The following KAZN variants were observed in gnomAD, a reference collection of about 807,000 sequenced individuals.
The protein encoded by KAZN is kazrin.
A neutral mutation model predicts 87.4 loss-of-function variants in KAZN; 40 were observed. The ratio of observed to expected loss-of-function variants is 0.46; its 90% confidence interval spans 0.36 to 0.60. The LOEUF (loss-of-function observed/expected upper bound fraction) is 0.60, where lower values mean the gene tolerates loss of function less well. Among genes scored for constraint, KAZN ranks in the 20% least tolerant of loss-of-function variants. The probability of loss-of-function intolerance (pLI) is 0.00; values close to 1 mark genes in which losing one functional copy is unlikely to be tolerated. For synonymous variants in KAZN, 466 were observed against 458.3 expected, an observed-to-expected ratio of 1.02 and a Z score of -0.22; for missense variants, 898 against 1,073.9, an observed-to-expected ratio of 0.84 and a Z score of 2.29.
At chr1:14,969,959 G>A (rs1343047522) in intron 2 of KAZN, among the ~76,000 whole-genome samples, 1 of 151,924 alleles carries the variant, frequency 6.6e-6, no homozygotes, top group Non-Finnish European at 1.5e-5. Context: ...GATTACAGGC[G>A]CCCGCCACCA....
intron 1 of KAZN, among the ~76,000 whole-genome samples, chr1:14,727,975 G>A (rs28856876): frequency 0.31 from 46,243 of 151,500 alleles, 7,175 homozygotes; most frequent in South Asian, 0.37. Flanking sequence ...TTCGCAATAG[G>A]GTTTGCGCTC....
At chr1:14,190,052 A>G (rs1238037836) in intron 2 of KAZN, among the ~76,000 whole-genome samples, 2 of 152,062 alleles carry the variant, frequency 1.3e-5, no homozygotes, top group Non-Finnish European at 2.9e-5. Context: ...TCTACATCCA[A>G]CTTGGGCAGG....
At chr1:14,452,743 G>A (rs904260342) in intron 2 of KAZN, among the ~76,000 whole-genome samples, 11 of 152,146 alleles carry the variant, frequency 7.2e-5, no homozygotes, top group Non-Finnish European at 1.2e-4. Flanking sequence ...GCCCTTGACC[G>A]CATTTTATGA....
chr1:14,824,267 A>G (rs1469355020), intron 1 of KAZN, among the ~76,000 whole-genome samples: 1 of 147,694 alleles, frequency 6.8e-6, no homozygotes, highest in East Asian at 1.9e-4. Context: ...GGACAGCACG[A>G]AAGAAAGAGA....
intron 1 of KAZN, among the ~76,000 whole-genome samples, chr1:14,804,883 G>A (rs573983678): frequency 5.3e-5 from 8 of 152,328 alleles, no homozygotes; most frequent in Non-Finnish European, 7.4e-5. Context: ...ACAGCTAGGC[G>A]TAATTGGCAC....
intron 2 of KAZN, among the ~76,000 whole-genome samples, chr1:14,213,959 G>A (rs190632429): frequency 1.8e-4 from 27 of 152,312 alleles, no homozygotes; most frequent in African/African-American, 6.3e-4. Flanking sequence ...GATGATGGAG[G>A]TGGCCACTTA....
intron 1 of KAZN, among the ~76,000 whole-genome samples, chr1:13,930,500 C>T (rs552898748): frequency 1.8e-4 from 28 of 152,294 alleles, no homozygotes; most frequent in African/African-American, 6.7e-4. Flanking sequence ...GCCATTTTCC[C>T]CCTTTTTCCC....
intron 1 of KAZN, among the ~76,000 whole-genome samples, chr1:14,744,756 T>C (rs550553953): frequency 1.3e-5 from 2 of 152,188 alleles, no homozygotes; most frequent in South Asian, 4.2e-4. Flanking sequence ...TTTAAAAAAG[T>C]GTAACATGCA....
chr1:14,257,999 G>A (rs944892689), intron 2 of KAZN, among the ~76,000 whole-genome samples: 12 of 147,368 alleles, frequency 8.1e-5, no homozygotes, highest in African/African-American at 3.0e-4. Flanking sequence ...AAAAGAAGGG[G>A]GAAGGGTAAG....
At chr1:14,984,375 CA>C (rs879713609) in intron 2 of KAZN, among the ~76,000 whole-genome samples, 5 of 149,928 alleles carry the variant, frequency 3.3e-5, no homozygotes, top group Non-Finnish European at 7.4e-5. Flanking sequence ...GACTCTGTCT[CA>C]AAAAAAAGAA....
At chr1:14,771,320 C>T (rs1483714911) in intron 1 of KAZN, among the ~76,000 whole-genome samples, 2 of 152,092 alleles carry the variant, frequency 1.3e-5, no homozygotes, top group Non-Finnish European at 2.9e-5. Flanking sequence ...GGCAGCATCT[C>T]TGGGTTGCAG....
At chr1:14,926,528 A>AC (rs1334352647) in intron 1 of KAZN, among the ~76,000 whole-genome samples, 1 of 152,196 alleles carries the variant, frequency 6.6e-6, no homozygotes, top group African/African-American at 2.4e-5. Flanking sequence ...CAGCAGCTAA[A>AC]CCAGAAAGTT....
rs368049334 is a variant in KAZN at position 14,662,964 on chromosome 1, C to CACATATATATAT, written c.226+63742_226+63743insCATATATATATA. The stretch of plus-strand genomic sequence containing the variant: ...ATGTAAATATATATATATATGCACA[C>CACATATATATAT]ATATATATATATATATATTTTAGAG... On this transcript the variant is annotated intron_variant, in intron 1 of 14. Coordinates refer to ENST00000376030, the MANE Select transcript of KAZN (RefSeq NM_201628.3). Among the ~76,000 whole-genome samples the CACATATATATAT allele has an allele frequency of 2.3e-5, 3 of 127,962 alleles. No homozygotes were observed. In the South Asian group the frequency reaches 7.8e-4, roughly 33 times the overall value. The allele number at this position is 127,962 out of a possible 152,430, so 83.9% of individuals were successfully genotyped here.
chr1:14,501,128 T>A (rs897909522), intron 2 of KAZN, among the ~76,000 whole-genome samples: 11 of 121,870 alleles, frequency 9.0e-5, no homozygotes, highest in South Asian at 2.8e-4. Flanking sequence ...AATAAATAAA[T>A]AAAAATAATA....
At chr1:14,402,155 T>A (rs1557693257) in intron 2 of KAZN, among the ~76,000 whole-genome samples, 2 of 151,756 alleles carry the variant, frequency 1.3e-5, no homozygotes, top group Admixed American at 1.3e-4. Flanking sequence ...CCAATGACTT[T>A]TAGTTCTAAA....
At chr1:14,855,649 T>C (rs1198781269) in intron 1 of KAZN, among the ~76,000 whole-genome samples, 1 of 152,228 alleles carries the variant, frequency 6.6e-6, no homozygotes, top group East Asian at 1.9e-4. Context: ...ACCTGGTAGC[T>C]GTTCTGCGCA....
chr1:14,580,419 G>T (rs537684907), intron 2 of KAZN, among the ~76,000 whole-genome samples: 1 of 152,268 alleles, frequency 6.6e-6, no homozygotes, highest in East Asian at 1.9e-4. Flanking sequence ...AAGTTGCGGT[G>T]AGCCGAGATC....
chr1:14,197,235 G>A (rs1646544944), intron 2 of KAZN, among the ~76,000 whole-genome samples: 1 of 152,058 alleles, frequency 6.6e-6, no homozygotes, highest in South Asian at 2.1e-4. Flanking sequence ...TTTAAACAGA[G>A]CATATCATGT....
intron 2 of KAZN, among the ~76,000 whole-genome samples, chr1:14,258,977 G>C (rs55785726): frequency 1.1e-3 from 170 of 152,302 alleles, no homozygotes; most frequent in Middle Eastern, 3.4e-3. Flanking sequence ...TGGAGGGATG[G>C]AAAGAGGAGA....
Sources: allele counts gnomAD v4.1 joint callset (sites outside exome capture counted in the v4.1 genomes callset), GRCh38; gene constraint gnomAD v4.1.1; transcripts MANE v1.5; gene names NCBI Gene and HGNC (gene_info 2026-07-23, HGNC 2026-07-21).